The following NRG3 variants were observed in gnomAD, a reference collection of about 807,000 sequenced individuals.
The protein encoded by NRG3 is pro-neuregulin-3, membrane-bound isoform.
Under a neutral mutation model 66.9 loss-of-function variants are expected in NRG3, and 31 were observed. That is an observed-to-expected ratio of 0.46 (90% confidence interval 0.35 to 0.63). The LOEUF is 0.63. Among genes scored for constraint, NRG3 ranks in the 20% least tolerant of loss-of-function variants. NRG3 has a pLI of 0.00. For synonymous variants in NRG3, 393 were observed against 359.4 expected (o/e 1.09, Z -1.06); for missense variants, 910 against 878.9 (o/e 1.04, Z -0.45).
chr10:82,815,621 CAT>C (rs1300507522), intron 3 of NRG3, among the ~76,000 whole-genome samples: 20 of 152,136 alleles, frequency 1.3e-4, no homozygotes, highest in Admixed American at 9.8e-4. Flanking sequence ...CTCATTGTAA[CAT>C]GTGTATATGT....
chr10:82,921,105 T>C (rs1846380042), intron 4 of NRG3, among the ~76,000 whole-genome samples: 1 of 152,006 alleles, frequency 6.6e-6, no homozygotes, highest in Non-Finnish European at 1.5e-5. Flanking sequence ...CAAGCACATG[T>C]CAAGTAAGGT....
chr10:82,740,912 A>C (rs898027378), intron 3 of NRG3, among the ~76,000 whole-genome samples: 1 of 152,126 alleles, frequency 6.6e-6, no homozygotes, highest in South Asian at 2.1e-4. Flanking sequence ...CTTTTATATA[A>C]AATTGCAAAA....
chr10:82,510,287 A>C (rs1185298821), intron 2 of NRG3, among the ~76,000 whole-genome samples: 1 of 152,050 alleles, frequency 6.6e-6, no homozygotes, highest in Non-Finnish European at 1.5e-5. Flanking sequence ...TCCATCGTGC[A>C]TCTAGTTAGG....
intron 2 of NRG3, among the ~76,000 whole-genome samples, chr10:82,594,768 C>A (rs1372117236): frequency 2.0e-5 from 3 of 151,758 alleles, no homozygotes; most frequent in Non-Finnish European, 2.9e-5. Flanking sequence ...TTCCCATGGC[C>A]CTCAGAAATT....
chr10:82,849,651 T>C (rs1216417821), intron 3 of NRG3, among the ~76,000 whole-genome samples: 1 of 152,190 alleles, frequency 6.6e-6, no homozygotes, highest in Non-Finnish European at 1.5e-5. Flanking sequence ...TTGAGCTTTG[T>C]AAATGTCTGA....
At chr10:82,649,902 T>C (rs923835481) in intron 2 of NRG3, among the ~76,000 whole-genome samples, 5 of 152,176 alleles carry the variant, frequency 3.3e-5, no homozygotes, top group African/African-American at 4.8e-5. Context: ...GGAAGTTCTT[T>C]TTTTAAATAA....
chr10:82,261,635 G>C (rs1262483188), intron 1 of NRG3, among the ~76,000 whole-genome samples: 2 of 152,132 alleles, frequency 1.3e-5, no homozygotes, highest in Non-Finnish European at 2.9e-5. Flanking sequence ...GATAAGCATT[G>C]ATTCTATAGA....
At chr10:82,180,499 C>T (rs540057485) in intron 1 of NRG3, among the ~76,000 whole-genome samples, 1 of 151,746 alleles carries the variant, frequency 6.6e-6, no homozygotes, top group Non-Finnish European at 1.5e-5. Flanking sequence ...TTGAGATGAT[C>T]ATGTGATTTT....
At chr10:82,007,302 C>T (rs921121196) in intron 1 of NRG3, among the ~76,000 whole-genome samples, 11 of 151,202 alleles carry the variant, frequency 7.3e-5, no homozygotes, top group Admixed American at 2.0e-4. Flanking sequence ...CTCCACCTCC[C>T]AGGTTCAGGT....
At chr10:82,597,484 T>A (rs907018171) in intron 2 of NRG3, among the ~76,000 whole-genome samples, 9 of 152,174 alleles carry the variant, frequency 5.9e-5, no homozygotes, top group Non-Finnish European at 5.9e-5. Flanking sequence ...ACCTACAAAT[T>A]ACATACATAC....
chr10:82,062,230 A>T (rs142525139), intron 1 of NRG3, among the ~76,000 whole-genome samples: 2 of 152,216 alleles, frequency 1.3e-5, no homozygotes, highest in Non-Finnish European at 2.9e-5. Context: ...TTTCTTTATT[A>T]TCTGCCACAG....
At chr10:82,540,300 T>G (rs866315648) in intron 2 of NRG3, among the ~76,000 whole-genome samples, 95 of 152,288 alleles carry the variant, frequency 6.2e-4, no homozygotes, top group African/African-American at 1.9e-3. Context: ...CTGTCTGCCT[T>G]CCAGTGTTGT....
chr10:82,165,278 T>C (rs2071951812), intron 1 of NRG3, among the ~76,000 whole-genome samples: 1 of 152,096 alleles, frequency 6.6e-6, no homozygotes, highest in Non-Finnish European at 1.5e-5. Flanking sequence ...AGAATTTTTA[T>C]ATAAAAATAC....
chr10:82,868,578 A>C (rs926054592), intron 4 of NRG3, among the ~76,000 whole-genome samples: 1 of 152,158 alleles, frequency 6.6e-6, no homozygotes, highest in Non-Finnish European at 1.5e-5. Context: ...TAGCTTTATA[A>C]ATTTAGTGAA....
chr10:82,737,440 C>G (rs567695708), intron 2 of NRG3, among the ~76,000 whole-genome samples: 1 of 152,306 alleles, frequency 6.6e-6, no homozygotes, highest in Non-Finnish European at 1.5e-5. Flanking sequence ...AAAGAACTCA[C>G]GACGCATGGT....
intron 3 of NRG3, among the ~76,000 whole-genome samples, chr10:82,843,696 A>G (rs1414769306): frequency 6.6e-6 from 1 of 152,180 alleles, no homozygotes; most frequent in Admixed American, 6.5e-5. Flanking sequence ...ACACCCTTCA[A>G]TGATAAGATG....
chr10:82,692,505 G>A (rs1210234514), intron 2 of NRG3, among the ~76,000 whole-genome samples: 1 of 152,220 alleles, frequency 6.6e-6, no homozygotes, highest in East Asian at 1.9e-4. Flanking sequence ...GAGAAGGATG[G>A]AATGTATTAA....
At chr10:82,142,813 C>T (rs1434598701) in intron 1 of NRG3, among the ~76,000 whole-genome samples, 2 of 144,734 alleles carry the variant, frequency 1.4e-5, no homozygotes, top group Non-Finnish European at 3.0e-5. Context: ...TATCTATCTC[C>T]AGGCTGGAAT....
chr10:82,128,254 T>C (rs907251789), intron 1 of NRG3, among the ~76,000 whole-genome samples: 1 of 152,074 alleles, frequency 6.6e-6, no homozygotes, highest in Non-Finnish European at 1.5e-5. Flanking sequence ...ATTTATTTTC[T>C]TTATTGATCA....
Sources: gnomAD v4.1 joint callset for allele counts (sites outside exome capture counted in the v4.1 genomes callset) on GRCh38, gnomAD v4.1.1 for gene constraint, MANE v1.5 for transcripts, NCBI Gene and HGNC (gene_info 2026-07-23, HGNC 2026-07-21) for gene names.